The following IQGAP1 variants were observed in gnomAD, a reference collection of about 807,000 sequenced individuals.
IQGAP1 encodes the protein IQ motif containing GTPase activating protein 1, also known as ras GTPase-activating-like protein IQGAP1.
In IQGAP1, 66 loss-of-function variants were observed where a neutral mutation model predicts 215.6. That is an observed-to-expected ratio of 0.31 (90% CI 0.25 to 0.38). IQGAP1 has a LOEUF of 0.38. IQGAP1 is among the 10% of genes least tolerant of loss of function. The probability of loss-of-function intolerance (pLI) is 1.00; values close to 1 mark genes in which losing one functional copy is unlikely to be tolerated. For missense variants in IQGAP1, 1,712 were observed against 1,997.1 expected (o/e 0.86, Z 2.72); for synonymous variants, 772 against 728.7 (o/e 1.06, Z -0.96).
chr15:90,409,298 C>A (rs958113543), intron 2 of IQGAP1, among the ~76,000 whole-genome samples: 1 of 147,838 alleles, frequency 6.8e-6, no homozygotes, highest in Admixed American at 6.8e-5. Flanking sequence ...AGTGCAGTGG[C>A]ACGATCTCGG....
intron 15 of IQGAP1, among the ~76,000 whole-genome samples, chr15:90,465,004 C>G (rs771851663): frequency 6.6e-6 from 1 of 152,204 alleles, no homozygotes; most frequent in African/African-American, 2.4e-5. Context: ...AAGTCACCTC[C>G]ACTACATCAT....
intron 11 of IQGAP1, among the ~76,000 whole-genome samples, chr15:90,451,141 A>G (rs1042901843): frequency 6.6e-5 from 10 of 152,040 alleles, no homozygotes; most frequent in South Asian, 2.1e-4. Context: ...TTATTTTTGT[A>G]TATTATGAGA....
At chr15:90,396,522 ATGGCACGG>A (rs1964722145) in intron 2 of IQGAP1, among the ~76,000 whole-genome samples, 2 of 152,160 alleles carry the variant, frequency 1.3e-5, no homozygotes, top group Admixed American at 1.3e-4. Context: ...TAGCTGCGTA[ATGGCACGG>A]TGGCACTAGG....
intron 5 of IQGAP1, among the ~76,000 whole-genome samples, chr15:90,438,982 C>T (rs1380878272): frequency 2.0e-5 from 3 of 152,128 alleles, no homozygotes; most frequent in Admixed American, 1.3e-4. Context: ...ACCTCAGCCT[C>T]CCAAAGTGCT....
intron 2 of IQGAP1, among the ~76,000 whole-genome samples, chr15:90,416,223 A>C (rs1046972664): frequency 4.6e-5 from 7 of 152,078 alleles, no homozygotes; most frequent in Non-Finnish European, 8.8e-5. Context: ...GTCCCTACAA[A>C]GGACATGAAC....
At chr15:90,425,374 T>G (rs1965206707) in intron 2 of IQGAP1, among the ~76,000 whole-genome samples, 2 of 152,198 alleles carry the variant, frequency 1.3e-5, no homozygotes, top group Non-Finnish European at 2.9e-5. Context: ...TACCTATGTT[T>G]CCGTTGGTAG....
At chr15:90,464,271 T>C (rs1385643505) in intron 15 of IQGAP1, among the ~76,000 whole-genome samples, 1 of 152,174 alleles carries the variant, frequency 6.6e-6, no homozygotes. Flanking sequence ...TTGTCTTTTC[T>C]AGAGAAGATT....
At chr15:90,466,218 G>C in intron 16 of IQGAP1, 51 bp from the exon 17 acceptor site, 1 of 1,595,502 alleles carries the variant, frequency 6.3e-7, no homozygotes, top group Non-Finnish European at 8.6e-7. Context: ...AGCAGTATGT[G>C]AATTTAGACA....
chr15:90,410,397 T>C (rs532617018), intron 2 of IQGAP1, among the ~76,000 whole-genome samples: 2 of 152,320 alleles, frequency 1.3e-5, no homozygotes, highest in Non-Finnish European at 2.9e-5. Context: ...GTATGTTTAC[T>C]GCGGCACTAT....
chr15:90,448,090 G>C (rs763334644), intron 9 of IQGAP1, among the ~76,000 whole-genome samples: 7 of 152,310 alleles, frequency 4.6e-5, no homozygotes, highest in Non-Finnish European at 1.0e-4. Flanking sequence ...CTGTCATAGG[G>C]AGGGGCAGTG....
chr15:90,483,946 A>G (rs1338351719), intron 29 of IQGAP1, among the ~76,000 whole-genome samples: 1 of 152,232 alleles, frequency 6.6e-6, no homozygotes, highest in African/African-American at 2.4e-5. Context: ...TCTTAGAGAT[A>G]GAATTGGTTC....
intron 2 of IQGAP1, among the ~76,000 whole-genome samples, chr15:90,415,227 G>A (rs1010095054): frequency 2.0e-5 from 3 of 152,090 alleles, no homozygotes; most frequent in Non-Finnish European, 4.4e-5. Context: ...TATATTTTAT[G>A]AATTTTTAAA....
intron 33 of IQGAP1, among the ~76,000 whole-genome samples, chr15:90,488,336 T>C (rs920404814): frequency 6.6e-6 from 1 of 152,196 alleles, no homozygotes; most frequent in African/African-American, 2.4e-5. Context: ...TTATAATACC[T>C]ACTACAATAT....
At chr15:90,389,341 C>CTTTTTT (rs563216137) in intron 1 of IQGAP1, among the ~76,000 whole-genome samples, 4 of 128,398 alleles carry the variant, frequency 3.1e-5, no homozygotes, top group Non-Finnish European at 3.3e-5. Flanking sequence ...CGGGAGGTGA[C>CTTTTTT]TTTTTTTTTT....
Position 90,467,488 on chromosome 15 carries a change from G to A in IQGAP1, c.2074G>A (p.Gly692Ser). ...NSKWVKHWVK[G>S]GYYYYHNLET... is the part of the protein sequence containing the mutation. ...CAAGTGGGTGAAGCACTGGGTAAAA[G>A]GTGGATATTATTATTACCACAATCT... The change falls in exon 18 of 38, where the codon GGT becomes AGT. Residue 692 changes from glycine to serine, a missense_variant. Gly to Ser is a moderately conservative substitution (Grantham distance 56). This residue lies in a region of IQGAP1 where 1,021 missense variants were observed against 1,074.2 expected (regional missense o/e 0.95). Coordinates refer to ENST00000268182, the MANE Select transcript of IQGAP1 (RefSeq NM_003870.4). 8 of 1,612,770 alleles carry A rather than the reference G, an allele frequency of 5.0e-6. No homozygotes were observed. Among genetic ancestry groups the A allele is most frequent in the Non-Finnish European group, 6.8e-6 (8 of 1,179,488 alleles).
chr15:90,491,010 C>T (rs565669564), intron 33 of IQGAP1, among the ~76,000 whole-genome samples: 4 of 152,216 alleles, frequency 2.6e-5, no homozygotes, highest in South Asian at 2.1e-4. Context: ...ACGGTTTCAC[C>T]GTGTTAGTCA....
intron 36 of IQGAP1, 95 bp downstream of exon 36, chr15:90,494,930 A>T: frequency 1.2e-6 from 1 of 842,090 alleles, no homozygotes. Context: ...CTGGATGGTT[A>T]CTTTTAGTAT....
At chr15:90,489,055 G>T (rs1209322128) in intron 33 of IQGAP1, among the ~76,000 whole-genome samples, 1 of 152,084 alleles carries the variant, frequency 6.6e-6, no homozygotes, top group African/African-American at 2.4e-5. Context: ...GTCCAGTGGG[G>T]TGGGCAGATG....
At position 90,453,248 on chromosome 15, in the gene IQGAP1, T is replaced by A. The variant is rs1460328151; in HGVS notation, c.1443T>A (p.Ser481Arg). 1.9e-6 allele frequency: 3 copies of A among 1,613,836 alleles called. No individual in the cohort carries two copies. The Admixed American group carries it at 5.0e-5, about 27-fold the overall frequency. Residue 481 changes from serine to arginine, a missense_variant, in exon 13 of 38, where the codon AGT becomes AGA. Physicochemically the swap from Ser to Arg is moderately radical, Grantham distance 110. Transcript: ENST00000268182. ...DVNTVWKQLS[S>R]SVTGLTNIEE... ...ATACAGTGTGGAAGCAATTGAGCAG[T>A]TCAGTTACTGGTCTTACCAATATTG...
Sources: allele counts gnomAD v4.1 joint callset (sites outside exome capture counted in the v4.1 genomes callset), GRCh38; gene constraint gnomAD v4.1.1; regional missense constraint gnomAD v4.1.1; transcripts MANE v1.5; gene names NCBI Gene and HGNC (gene_info 2026-07-23, HGNC 2026-07-21).